DENND1B: variants seen among roughly 807,000 people sequenced by gnomAD.
DENND1B encodes DENN domain-containing protein 1B.
A neutral mutation model predicts 90.1 loss-of-function variants in DENND1B; 59 were observed. The ratio of observed to expected loss-of-function variants is 0.65; its 90% confidence interval spans 0.53 to 0.81. DENND1B has a LOEUF of 0.81. Among genes scored for constraint, DENND1B ranks in the 40% least tolerant of loss-of-function variants. The pLI is 0.00. For synonymous variants in DENND1B, 337 were observed against 324.6 expected (o/e 1.04, Z -0.41); for missense variants, 862 against 912.6 (o/e 0.94, Z 0.71).
At chr1:197,611,460 A>G (rs1677175372) in intron 12 of DENND1B, among the ~76,000 whole-genome samples, 1 of 150,894 alleles carries the variant, frequency 6.6e-6, no homozygotes, top group Non-Finnish European at 1.5e-5. Flanking sequence ...ACTTAAGGCT[A>G]TATTCTAAAG....
At chr1:197,737,788 CAA>C in intron 2 of DENND1B, among the ~76,000 whole-genome samples, 1 of 119,406 alleles carries the variant, frequency 8.4e-6, no homozygotes, top group East Asian at 3.4e-4. Flanking sequence ...AATTCTGCTT[CAA>C]AAAAAGAAAA....
chr1:197,601,537 T>A (rs1047901430), intron 13 of DENND1B, among the ~76,000 whole-genome samples: 3 of 148,204 alleles, frequency 2.0e-5, no homozygotes, highest in African/African-American at 7.4e-5. Context: ...AAAAAAAAAA[T>A]ATCTGCAGTA....
rs1451153334 is a variant in DENND1B at position 197,543,416 on chromosome 1, CA to C, written c.1351-2402del. ...AAATTAAGGCAAGACACATATTTGGCAAAACAATACAACTTCTCTAAGCCTA... is the reference window on the plus strand; with the variant it reads ...AAATTAAGGCAAGACACATATTTGGCAAACAATACAACTTCTCTAAGCCTA... On this transcript the variant is annotated intron_variant, in intron 18 of 22. Transcript: ENST00000620048. Among the ~76,000 whole-genome samples, 6 of 152,068 alleles carry C rather than the reference CA, an allele frequency of 3.9e-5. No homozygotes were observed. The East Asian group carries it at 1.2e-3, about 29-fold the overall frequency.
chr1:197,677,929 T>A (rs2125993599), intron 3 of DENND1B, among the ~76,000 whole-genome samples: 1 of 152,282 alleles, frequency 6.6e-6, no homozygotes, highest in East Asian at 1.9e-4. Context: ...GATCACAAAA[T>A]GAGCTTCCAG....
At chr1:197,621,942 C>A (rs1678209101) in intron 10 of DENND1B, among the ~76,000 whole-genome samples, 1 of 151,372 alleles carries the variant, frequency 6.6e-6, no homozygotes, top group Non-Finnish European at 1.5e-5. Flanking sequence ...TGAACTAATA[C>A]AGTTCCAAAG....
Position 197,672,271 on chromosome 1 carries a change from G to C in DENND1B, c.177-115C>G, listed in dbSNP as rs192860656. 7.3e-3 allele frequency: 9,161 copies of C among 1,253,348 alleles called. 54 individuals are homozygous for C. The highest frequency in any genetic ancestry group is 9.5e-3 in the Middle Eastern group (45 of 4,752). 77.6% of individuals were successfully genotyped at this position (1,253,348 alleles called of 1,614,324 possible). On this transcript the variant is annotated intron_variant, in intron 4 of 22. Transcript: ENST00000620048. The stretch of plus-strand genomic sequence containing the variant: ...TTGGTTTCATCTTTCTAATCAGTTG[G>C]TTCTTGAAGCTAGAACTATGTTCTA...
chr1:197,527,226 T>A (rs1268163419), intron 20 of DENND1B, among the ~76,000 whole-genome samples: 2 of 151,994 alleles, frequency 1.3e-5, no homozygotes, highest in African/African-American at 2.4e-5. Flanking sequence ...TAGGCAGTAT[T>A]TTTTTTATGG....
At chr1:197,555,160 C>G (rs1217288545) in intron 15 of DENND1B, among the ~76,000 whole-genome samples, 1 of 151,858 alleles carries the variant, frequency 6.6e-6, no homozygotes, top group African/African-American at 2.4e-5. Context: ...TCTTACATCT[C>G]AAGATATATT....
At chr1:197,564,572 CA>C (rs1350065099) in intron 15 of DENND1B, among the ~76,000 whole-genome samples, 1 of 151,754 alleles carries the variant, frequency 6.6e-6, no homozygotes, top group African/African-American at 2.4e-5. Context: ...CACTGGGAAA[CA>C]AAAAACTTTG....
intron 3 of DENND1B, among the ~76,000 whole-genome samples, chr1:197,697,444 C>T (rs1658550604): frequency 6.6e-6 from 1 of 151,720 alleles, no homozygotes; most frequent in East Asian, 1.9e-4. Flanking sequence ...GGGTATCACA[C>T]TCAATTATCT....
chr1:197,583,662 T>C (rs1282669357), intron 14 of DENND1B, among the ~76,000 whole-genome samples: 1 of 152,234 alleles, frequency 6.6e-6, no homozygotes, highest in Non-Finnish European at 1.5e-5. Flanking sequence ...TTAGTTGTTA[T>C]GATCATTAAT....
At chr1:197,751,960 GGGA>G (rs1014085207) in intron 2 of DENND1B, among the ~76,000 whole-genome samples, 44 of 119,046 alleles carry the variant, frequency 3.7e-4, no homozygotes, top group Non-Finnish European at 6.0e-4. Context: ...GGAGGAAGGG[GGGA>G]GGAGGAGGAG....
upstream of DENND1B, among the ~76,000 whole-genome samples, chr1:197,777,305 T>C (rs1052076852): frequency 6.6e-6 from 1 of 152,214 alleles, no homozygotes; most frequent in Non-Finnish European, 1.5e-5. Flanking sequence ...TAAATGACAG[T>C]CATACCCTTG....
At chr1:197,609,178 A>G (rs1399250338) in intron 12 of DENND1B, among the ~76,000 whole-genome samples, 4 of 150,604 alleles carry the variant, frequency 2.7e-5, no homozygotes, top group Non-Finnish European at 3.0e-5. Context: ...TTTTTCTTCA[A>G]AAATAAGAAA....
chr1:197,576,017 A>G (rs887049836), intron 15 of DENND1B, among the ~76,000 whole-genome samples: 1 of 152,182 alleles, frequency 6.6e-6, no homozygotes, highest in Admixed American at 6.5e-5. Flanking sequence ...CCAACATGGC[A>G]CATGTATACC....
At chr1:197,712,694 C>T (rs1660107452) in intron 3 of DENND1B, among the ~76,000 whole-genome samples, 1 of 10,590 alleles carries the variant, frequency 9.4e-5, no homozygotes, top group Non-Finnish European at 1.6e-4. Context: ...ATGTCCAAAA[C>T]ACCAAAAGCA....
At chr1:197,693,960 A>G (rs750887348) in intron 3 of DENND1B, among the ~76,000 whole-genome samples, 16 of 151,680 alleles carry the variant, frequency 1.1e-4, no homozygotes, top group African/African-American at 3.6e-4. Context: ...ATTTTCAGCT[A>G]GTACACAATA....
At chr1:197,683,472 T>C (rs1775450) in intron 3 of DENND1B, among the ~76,000 whole-genome samples, 122,608 of 151,964 alleles carry the variant, frequency 0.81, 49,552 homozygotes, top group Middle Eastern at 0.87. Flanking sequence ...TGAAATAAGA[T>C]AGCTGCAGCA....
At chr1:197,762,292 A>C (rs1655170635) in intron 2 of DENND1B, among the ~76,000 whole-genome samples, 1 of 150,932 alleles carries the variant, frequency 6.6e-6, no homozygotes, top group African/African-American at 2.4e-5. Context: ...TTTGAGACGG[A>C]GTCTCGCTCT....
Sources: gnomAD v4.1 joint callset for allele counts (sites outside exome capture counted in the v4.1 genomes callset) on GRCh38, gnomAD v4.1.1 for gene constraint, MANE v1.5 for transcripts, NCBI Gene and HGNC (gene_info 2026-07-23, HGNC 2026-07-21) for gene names.